The following SMC3 variants were observed in gnomAD, a reference collection of about 807,000 sequenced individuals.
SMC3 encodes structural maintenance of chromosomes protein 3.
In SMC3, 20 loss-of-function variants were observed where a neutral mutation model predicts 171.8. The ratio of observed to expected loss-of-function variants is 0.12; its 90% confidence interval spans 0.08 to 0.17. The LOEUF is 0.17. SMC3 is among the 10% of genes least tolerant of loss of function. The pLI is 1.00. For synonymous variants in SMC3, 464 were observed against 451.1 expected (o/e 1.03, Z -0.36); for missense variants, 543 against 1,420.4 (o/e 0.38, Z 9.93).
At chr10:110,582,666 G>C in intron 10 of SMC3, 24 bp downstream of exon 10, 1 of 1,558,544 alleles carries the variant, frequency 6.4e-7, no homozygotes, top group Non-Finnish European at 8.8e-7. Context: ...CAAGGTTCAT[G>C]TTAACTTACT....
Position 110,598,433 on chromosome 10 carries a change from C to CT in SMC3, c.2268+144dup. ...TACTTTTTTTTTTTGAAGACAGAGT[C>CT]TCTTTCTGTCTCACCCAGGCTGGAG... On this transcript the variant is annotated intron_variant, in intron 20 of 28. Transcript: ENST00000361804. The CT allele has an allele frequency of 2.1e-5, 17 of 813,734 alleles. No homozygotes were observed. The South Asian group carries it at 2.5e-4, about 12-fold the overall frequency. The allele number at this position is 813,734 out of a possible 1,614,324, so 50.4% of individuals were successfully genotyped here. A position where few individuals can be genotyped will look rare whatever the true frequency, so the allele number is the denominator to read the frequency against.
chr10:110,583,240 A>C (rs1861059182), intron 10 of SMC3, 144 bp from the exon 11 acceptor site: 8 of 695,208 alleles, frequency 1.2e-5, no homozygotes, highest in Non-Finnish European at 2.0e-5. Flanking sequence ...GAATTATGGA[A>C]TGATTACACA....
At chr10:110,578,594 T>C (rs1406781302) in intron 6 of SMC3, 34 bp from the exon 7 acceptor site, 1 of 1,506,982 alleles carries the variant, frequency 6.6e-7, no homozygotes, top group Admixed American at 1.8e-5. Context: ...TTTAAAATTA[T>C]TTATCGGAAA....
intron 17 of SMC3, among the ~76,000 whole-genome samples, chr10:110,592,353 G>C (rs1057221259): frequency 2.0e-5 from 3 of 152,124 alleles, no homozygotes; most frequent in East Asian, 3.9e-4. Context: ...GGTAACCACT[G>C]TAGGTAACTG....
In SMC3 at chr10:110,593,191, G is replaced by A; in HGVS notation, c.1931G>A (p.Arg644His). 1 of 1,614,116 alleles carries A rather than the reference G, an allele frequency of 6.2e-7. No individual in the cohort carries two copies. Among genetic ancestry groups the A allele is most frequent in the Non-Finnish European group, 8.5e-7 (1 of 1,180,002 alleles). ...ATGGAAGTTTCAACCCAGCTGGCCC[G>A]TGCTTTCACTATGGACTGTATTACT... ...RSMEVSTQLARAFTMDCITLE... is the reference protein window; with the variant it reads ...RSMEVSTQLAHAFTMDCITLE... The change falls in exon 18 of 29, where the codon CGT (arginine) becomes CAT (histidine). Residue 644 changes from arginine (R) to histidine (H), a missense_variant. Coordinates refer to ENST00000361804, the MANE Select transcript of SMC3 (RefSeq NM_005445.4).
chr10:110,582,458 C>T, intron 9 of SMC3, 104 bp from the exon 10 acceptor site: 2 of 799,352 alleles, frequency 2.5e-6, no homozygotes, highest in East Asian at 2.7e-5. Context: ...AAAATTTGAG[C>T]AGTTACTTTT....
chr10:110,572,998 G>T (rs1181029759), intron 2 of SMC3, among the ~76,000 whole-genome samples: 1 of 152,044 alleles, frequency 6.6e-6, no homozygotes, highest in African/African-American at 2.4e-5. Context: ...TTTTTAAAAA[G>T]TACATCCTTT....
intron 6 of SMC3, among the ~76,000 whole-genome samples, chr10:110,578,251 C>T (rs1590552689): frequency 6.6e-6 from 1 of 151,934 alleles, no homozygotes; most frequent in Admixed American, 6.6e-5. Context: ...TTTTTGTATT[C>T]TTAGTAGAGA....
chr10:110,584,135 C>T, intron 12 of SMC3, 48 bp from the exon 13 acceptor site: 1 of 1,571,764 alleles, frequency 6.4e-7, no homozygotes, highest in East Asian at 2.2e-5. Context: ...TGCAATTAAA[C>T]TTGGTTATTA....
chr10:110,598,389 T>A, intron 20 of SMC3, 99 bp downstream of exon 20: 1 of 1,337,340 alleles, frequency 7.5e-7, no homozygotes, highest in Non-Finnish European at 1.1e-6. Context: ...ATTTTATGTT[T>A]CATTTTTGTT....
intron 4 of SMC3, 83 bp from the exon 5 acceptor site, chr10:110,577,335 GTTA>G: frequency 1.0e-6 from 1 of 1,002,598 alleles, no homozygotes; most frequent in Non-Finnish European, 1.6e-6. Context: ...AATCAGACTT[GTTA>G]TTATGCCCTA....
intron 18 of SMC3, among the ~76,000 whole-genome samples, chr10:110,595,808 C>T (rs2134744118): frequency 6.6e-6 from 1 of 151,368 alleles, no homozygotes; most frequent in South Asian, 2.1e-4. Flanking sequence ...CAAATTTTCC[C>T]AAATATGGCC....
chr10:110,583,300 A>T (rs1422105431), intron 10 of SMC3, 84 bp from the exon 11 acceptor site: 31 of 1,099,600 alleles, frequency 2.8e-5, no homozygotes, highest in Non-Finnish European at 3.9e-5. Context: ...ATTACTAAAC[A>T]TTAAGTGAAA....
At chr10:110,600,962 A>G (rs1350610235) in intron 22 of SMC3, 60 bp from the exon 23 acceptor site, 10 of 1,200,970 alleles carry the variant, frequency 8.3e-6, no homozygotes, top group African/African-American at 3.0e-5. Context: ...GACAATAGCC[A>G]TAGAAAATGT....
Position 110,605,164 on chromosome 10 carries a change from A to C in SMC3, c.*862A>C, listed in dbSNP as rs1861449317. On this transcript the variant is annotated 3_prime_UTR_variant, in exon 29 of 29. Transcript: ENST00000361804. ...ATATTATTAACATGTTTTATCACTG[A>C]TGTTTACCTTGATCACCTACCCAAC... Among the ~76,000 whole-genome samples the C allele has an allele frequency of 6.6e-6, 1 of 152,148 alleles. No homozygotes were observed. The highest frequency in any genetic ancestry group is 6.5e-5 in the Admixed American group (1 of 15,278).
At chr10:110,593,724 C>T (rs900745426) in intron 18 of SMC3, among the ~76,000 whole-genome samples, 2 of 150,432 alleles carry the variant, frequency 1.3e-5, no homozygotes, top group Admixed American at 1.3e-4. Flanking sequence ...TGGCTCACAT[C>T]TATATATAAC....
intron 26 of SMC3, 44 bp downstream of exon 26, chr10:110,602,709 A>C: frequency 6.3e-7 from 1 of 1,582,304 alleles, no homozygotes; most frequent in Non-Finnish European, 8.7e-7. Flanking sequence ...CATTACCATA[A>C]TAGAATTTAT....
intron 20 of SMC3, among the ~76,000 whole-genome samples, chr10:110,598,830 G>A (rs189202371): frequency 6.6e-6 from 1 of 152,272 alleles, no homozygotes; most frequent in African/African-American, 2.4e-5. Context: ...ATTTGAAGCT[G>A]TGACATAAGA....
Position 110,569,031 on chromosome 10 carries a change from A to T in SMC3, c.91+18A>T, listed in dbSNP as rs1208801037. 6.8e-7 allele frequency: 1 copy of T among 1,477,254 alleles called. No homozygotes were observed. The highest frequency in any genetic ancestry group is 2.3e-5 in the East Asian group (1 of 44,168). The allele number at this position is 1,477,254 out of a possible 1,614,324, so 91.5% of individuals were successfully genotyped here. A position where few individuals can be genotyped will look rare whatever the true frequency, so the allele number is the denominator to read the frequency against. On this transcript the variant is annotated intron_variant, in intron 2 of 28. Transcript: ENST00000361804. ...TGTGATTGGTAAGTGTTCTTGGTTT[A>T]CTCGGTCATATTTATAGTCTATACA...
Sources: gnomAD v4.1 joint callset for allele counts (sites outside exome capture counted in the v4.1 genomes callset) on GRCh38, gnomAD v4.1.1 for gene constraint, MANE v1.5 for transcripts, NCBI Gene and HGNC (gene_info 2026-07-23, HGNC 2026-07-21) for gene names.